SPMIP7: variants seen among roughly 807,000 people sequenced by gnomAD.
SPMIP7 encodes the protein sperm microtubule inner protein 7.
the SPMIP7 span, among the ~76,000 whole-genome samples, chr7:50,152,604 A>G: frequency 3.3e-5 from 5 of 152,162 alleles, no homozygotes; most frequent in Non-Finnish European, 7.4e-5. Flanking sequence ...TTCGCCCCCA[A>G]AAGGAGAGCT....
At chr7:50,118,672 G>T in the SPMIP7 span, among the ~76,000 whole-genome samples, 1 of 152,136 alleles carries the variant, frequency 6.6e-6, no homozygotes, top group African/African-American at 2.4e-5. Context: ...AGAAACAGTC[G>T]AATAAGCTTA....
chr7:50,122,950 C>A, the SPMIP7 span, among the ~76,000 whole-genome samples: 4 of 149,026 alleles, frequency 2.7e-5, no homozygotes, highest in South Asian at 8.5e-4. Context: ...GAAATAGGAA[C>A]ACTTTTACAC....
chr7:50,134,587 A>G, the SPMIP7 span, among the ~76,000 whole-genome samples: 1 of 152,226 alleles, frequency 6.6e-6, no homozygotes, highest in Non-Finnish European at 1.5e-5. Flanking sequence ...GAAGACAGAA[A>G]TAATTTTACC....
the SPMIP7 span, among the ~76,000 whole-genome samples, chr7:50,107,402 G>A: frequency 0.023 from 2,226 of 94,842 alleles, 6 homozygotes; most frequent in Middle Eastern, 0.042. Context: ...AAAAGAAAAA[G>A]AAAAAAAAAA....
the SPMIP7 span, among the ~76,000 whole-genome samples, chr7:50,147,379 T>C: frequency 2.0e-5 from 3 of 152,214 alleles, no homozygotes; most frequent in East Asian, 5.8e-4. Flanking sequence ...TGGTTGGTGC[T>C]GGCCATGATA....
the SPMIP7 span, among the ~76,000 whole-genome samples, chr7:50,121,506 T>C: frequency 4.6e-5 from 7 of 152,206 alleles, no homozygotes; most frequent in Non-Finnish European, 8.8e-5. Flanking sequence ...TTTTTGTATG[T>C]CACTTCTGTT....
the SPMIP7 span, among the ~76,000 whole-genome samples, chr7:50,156,276 G>A: frequency 6.6e-6 from 1 of 151,894 alleles, no homozygotes; most frequent in Non-Finnish European, 1.5e-5. Context: ...TCCAGTGAAA[G>A]TATGAGCCTT....
the SPMIP7 span, among the ~76,000 whole-genome samples, chr7:50,151,280 T>G: frequency 6.6e-6 from 1 of 152,204 alleles, no homozygotes; most frequent in South Asian, 2.1e-4. Flanking sequence ...GCCCCAGGCC[T>G]GCACTGTTTC....
chr7:50,159,204 GC>G, the SPMIP7 span: 2 of 1,544,076 alleles, frequency 1.3e-6, no homozygotes, highest in Non-Finnish European at 1.7e-6. Context: ...CCAGGCCTCC[GC>G]CTGGGGAAGG....
chr7:50,110,366 A>G, the SPMIP7 span, among the ~76,000 whole-genome samples: 1 of 149,394 alleles, frequency 6.7e-6, no homozygotes, highest in Non-Finnish European at 1.5e-5. Flanking sequence ...AGATTACAAC[A>G]GGAGTTCTTA....
the SPMIP7 span, chr7:50,096,586 G>A: frequency 1.9e-6 from 3 of 1,551,526 alleles, no homozygotes; most frequent in East Asian, 7.3e-5. Flanking sequence ...AACAGAACAG[G>A]AGATGGAATT....
At chr7:50,142,966 A>AC in the SPMIP7 span, 2 of 152,214 alleles carry the variant, frequency 1.3e-5, no homozygotes, top group African/African-American at 4.8e-5. Context: ...ACATGCGCCT[A>AC]CTTTGTGCCA....
chr7:50,105,118 T>C, the SPMIP7 span, among the ~76,000 whole-genome samples: 1 of 150,848 alleles, frequency 6.6e-6, no homozygotes, highest in African/African-American at 2.4e-5. Flanking sequence ...CTGTGTAGAT[T>C]TTATAGTCTC....
chr7:50,098,652 T>G, the SPMIP7 span, among the ~76,000 whole-genome samples: 1 of 152,200 alleles, frequency 6.6e-6, no homozygotes, highest in Non-Finnish European at 1.5e-5. Flanking sequence ...TTCTAGTTTA[T>G]AGAAGGCATC....
At chr7:50,148,364 CCACAGAGG>C in the SPMIP7 span, among the ~76,000 whole-genome samples, 1 of 152,286 alleles carries the variant, frequency 6.6e-6, no homozygotes, top group South Asian at 2.1e-4. Flanking sequence ...AACATGCATG[CCACAGAGG>C]CACAGAGGCT....
chr7:50,158,924 C>T, the SPMIP7 span: 18 of 959,738 alleles, frequency 1.9e-5, no homozygotes, highest in Middle Eastern at 2.2e-4. Context: ...TCCTCGCTCC[C>T]TGCCTGCAGT....
the SPMIP7 span, among the ~76,000 whole-genome samples, chr7:50,108,150 A>G: frequency 4.6e-5 from 7 of 152,228 alleles, no homozygotes; most frequent in African/African-American, 1.7e-4. Context: ...TTAGAAGTAG[A>G]GATTCCCACT....
At chr7:50,129,605 G>A in the SPMIP7 span, 1 of 764,368 alleles carries the variant, frequency 1.3e-6, no homozygotes, top group East Asian at 2.8e-5. Flanking sequence ...AGAGGTGCGT[G>A]AAAGAAGAAA....
the SPMIP7 span, chr7:50,142,523 C>G: frequency 1.3e-5 from 2 of 152,182 alleles, no homozygotes; most frequent in Admixed American, 1.3e-4. Flanking sequence ...AGAGGGCCTC[C>G]AAGGTTGCAA....
Sources: allele counts gnomAD v4.1 joint callset (sites outside exome capture counted in the v4.1 genomes callset), GRCh38; gene constraint gnomAD v4.1.1; transcripts MANE v1.5; gene names NCBI Gene and HGNC (gene_info 2026-07-23, HGNC 2026-07-21).